Variants in NCKAP5 observed in about 807,000 individuals in gnomAD.
The protein encoded by NCKAP5 is NCK associated protein 5, also known as nck-associated protein 5.
NCKAP5 carries 92 observed loss-of-function variants against 167.0 expected under a neutral mutation model. That is an observed-to-expected ratio of 0.55 (90% CI 0.47 to 0.66). NCKAP5 has a LOEUF of 0.66. Ranked by LOEUF, NCKAP5 falls within the 30% of genes least tolerant of loss-of-function variation. The probability of loss-of-function intolerance (pLI) is 0.00; values close to 1 mark genes in which losing one functional copy is unlikely to be tolerated. For synonymous variants in NCKAP5, 891 were observed against 877.4 expected (o/e 1.02, Z -0.27); for missense variants, 2,378 against 2,315.0 (o/e 1.03, Z -0.56).
chr2:133,017,086 T>C (rs2078365056), intron 6 of NCKAP5, among the ~76,000 whole-genome samples: 1 of 152,198 alleles, frequency 6.6e-6, no homozygotes, highest in South Asian at 2.1e-4. Context: ...GATCATTTCC[T>C]GACAAACATA....
intron 3 of NCKAP5, among the ~76,000 whole-genome samples, chr2:133,429,301 T>TA (rs397955889): frequency 2.0e-5 from 3 of 152,154 alleles, no homozygotes; most frequent in East Asian, 1.9e-4. Context: ...TACTTTTTTT[T>TA]AATTTCCATT....
chr2:132,957,406 T>C (rs531675512), intron 8 of NCKAP5, among the ~76,000 whole-genome samples: 1 of 152,332 alleles, frequency 6.6e-6, no homozygotes, highest in African/African-American at 2.4e-5. Flanking sequence ...AGCTATACAT[T>C]GGGAGTTCAA....
chr2:133,650,359 T>C, the NCKAP5 span, among the ~76,000 whole-genome samples: 1 of 151,910 alleles, frequency 6.6e-6, no homozygotes, highest in South Asian at 2.1e-4. Flanking sequence ...AAATAGAAAA[T>C]ACAATCAAAA....
At chr2:133,225,574 C>T (rs1404637884) in intron 4 of NCKAP5, among the ~76,000 whole-genome samples, 8 of 152,234 alleles carry the variant, frequency 5.3e-5, no homozygotes, top group Admixed American at 5.2e-4. Flanking sequence ...GAATGATTTA[C>T]ACACACGAGG....
intron 8 of NCKAP5, among the ~76,000 whole-genome samples, chr2:132,916,629 G>C (rs1694902036): frequency 1.3e-5 from 2 of 152,126 alleles, no homozygotes; most frequent in South Asian, 2.1e-4. Flanking sequence ...GACATTTATT[G>C]CTTGTAAAAT....
At chr2:132,963,002 C>T (rs557483727) in intron 8 of NCKAP5, among the ~76,000 whole-genome samples, 8 of 150,344 alleles carry the variant, frequency 5.3e-5, no homozygotes, top group African/African-American at 1.7e-4. Context: ...ATCGAAAGGA[C>T]GTAAGTGAAC....
At chr2:133,041,018 T>C (rs1198601961) in intron 6 of NCKAP5, among the ~76,000 whole-genome samples, 1 of 152,150 alleles carries the variant, frequency 6.6e-6, no homozygotes, top group Non-Finnish European at 1.5e-5. Context: ...AAATGACAAA[T>C]GTTAGCTTAT....
At chr2:133,662,021 A>G in the NCKAP5 span, among the ~76,000 whole-genome samples, 1 of 152,150 alleles carries the variant, frequency 6.6e-6, no homozygotes, top group Non-Finnish European at 1.5e-5. Flanking sequence ...TTAATTTTCT[A>G]GTTTGAGATC....
At chr2:133,430,102 G>A (rs72846347) in intron 3 of NCKAP5, among the ~76,000 whole-genome samples, 16,641 of 151,910 alleles carry the variant, frequency 0.11, 977 homozygotes, top group Middle Eastern at 0.18. Context: ...TATGTTTGTC[G>A]GCTGCTTCTA....
At chr2:133,117,360 G>C (rs1380636276) in intron 6 of NCKAP5, 2 of 152,166 alleles carry the variant, frequency 1.3e-5, no homozygotes, top group Non-Finnish European at 2.9e-5. Flanking sequence ...CTCATGCTCT[G>C]AGACTTAGTC....
chr2:133,673,792 C>T, the NCKAP5 span, among the ~76,000 whole-genome samples: 1 of 152,176 alleles, frequency 6.6e-6, no homozygotes, highest in Non-Finnish European at 1.5e-5. Context: ...TTTAACTGAG[C>T]TCAGGACGCT....
At chr2:133,227,133 A>C (rs983032593) in intron 4 of NCKAP5, among the ~76,000 whole-genome samples, 1 of 152,220 alleles carries the variant, frequency 6.6e-6, no homozygotes, top group Non-Finnish European at 1.5e-5. Context: ...GAAAATTTAT[A>C]ACTCTAGAGT....
At chr2:133,514,678 A>T in intron 3 of NCKAP5, among the ~76,000 whole-genome samples, 1 of 152,158 alleles carries the variant, frequency 6.6e-6, no homozygotes, top group Non-Finnish European at 1.5e-5. Flanking sequence ...CATGACGATT[A>T]TTGCAATGGA....
intron 11 of NCKAP5, among the ~76,000 whole-genome samples, chr2:132,859,666 C>A (rs565949208): frequency 3.0e-4 from 46 of 152,344 alleles, no homozygotes; most frequent in Admixed American, 1.7e-3. Context: ...CAGTGGTGGG[C>A]CGCCCTTTGC....
chr2:133,490,455 G>A (rs2151347401), intron 3 of NCKAP5, among the ~76,000 whole-genome samples: 2 of 152,288 alleles, frequency 1.3e-5, no homozygotes, highest in South Asian at 4.1e-4. Context: ...TGGTAACAAT[G>A]TTATGTGGAG....
At chr2:133,414,898 T>G (rs1689010229) in intron 3 of NCKAP5, among the ~76,000 whole-genome samples, 1 of 152,232 alleles carries the variant, frequency 6.6e-6, no homozygotes, top group Non-Finnish European at 1.5e-5. Context: ...ACATTTAAAA[T>G]TCAGGGGCAG....
At chr2:133,055,620 A>G (rs1300638264) in intron 6 of NCKAP5, among the ~76,000 whole-genome samples, 2 of 152,174 alleles carry the variant, frequency 1.3e-5, no homozygotes, top group East Asian at 3.8e-4. Flanking sequence ...CAATATAGAC[A>G]TAATGGGTAT....
rs150566431 is a variant in NCKAP5 at position 133,307,393 on chromosome 2, A to C, written c.70-4283T>G. 7.8e-3 allele frequency among the ~76,000 whole-genome samples: 1,189 copies of C among 152,322 alleles called. 8 individuals are homozygous for C. The highest frequency in any genetic ancestry group is 0.016 in the South Asian group (77 of 4,818). ...CAAAGGGATAAAGAAATATTTCAGCACAGGGGAAAAAATAAGGACGTGATT... is the reference window on the plus strand; with the variant it reads ...CAAAGGGATAAAGAAATATTTCAGCCCAGGGGAAAAAATAAGGACGTGATT... On this transcript the variant is annotated intron_variant, in intron 3 of 19. Coordinates refer to ENST00000409261, the MANE Select transcript of NCKAP5 (RefSeq NM_207363.3).
chr2:133,054,620 T>G (rs539863567), intron 6 of NCKAP5, among the ~76,000 whole-genome samples: 4 of 152,262 alleles, frequency 2.6e-5, no homozygotes, highest in South Asian at 2.1e-4. Flanking sequence ...GGAATTTGAG[T>G]TCTGAAATTA....
Sources: gnomAD v4.1 joint callset for allele counts (sites outside exome capture counted in the v4.1 genomes callset) on GRCh38, gnomAD v4.1.1 for gene constraint, MANE v1.5 for transcripts, NCBI Gene and HGNC (gene_info 2026-07-23, HGNC 2026-07-21) for gene names.